The following LRRC4C variants were observed in gnomAD, a reference collection of about 807,000 sequenced individuals.
LRRC4C encodes the protein leucine rich repeat containing 4C, also known as leucine-rich repeat-containing protein 4C.
A neutral mutation model predicts 33.6 loss-of-function variants in LRRC4C; 5 were observed. The observed-to-expected ratio is 0.15, with a 90% CI of 0.08 to 0.31. LRRC4C has a LOEUF of 0.31. Among genes scored for constraint, LRRC4C ranks in the 10% least tolerant of loss-of-function variants. The pLI is 1.00. For missense variants in LRRC4C, 560 were observed against 796.7 expected (o/e 0.70, Z 3.58); for synonymous variants, 329 against 302.0 (o/e 1.09, Z -0.93).
intron 2 of LRRC4C, among the ~76,000 whole-genome samples, chr11:40,725,859 A>C (rs1459103997): frequency 1.3e-5 from 2 of 152,198 alleles, no homozygotes; most frequent in Admixed American, 1.3e-4. Context: ...CTGCAAGCCT[A>C]TTACATCTTG....
chr11:40,849,901 T>G (rs949966696), intron 2 of LRRC4C, among the ~76,000 whole-genome samples: 1 of 151,594 alleles, frequency 6.6e-6, no homozygotes, highest in African/African-American at 2.4e-5. Flanking sequence ...CTGATAGCCT[T>G]TCTTCTGCTT....
chr11:41,192,198 AT>A (rs1444634218), intron 1 of LRRC4C, among the ~76,000 whole-genome samples: 1 of 152,034 alleles, frequency 6.6e-6, no homozygotes, highest in Non-Finnish European at 1.5e-5. Context: ...GTACATACTA[AT>A]TTTTGTTATT....
intron 2 of LRRC4C, among the ~76,000 whole-genome samples, chr11:40,782,166 AG>A (rs1375089248): frequency 6.6e-6 from 1 of 152,152 alleles, no homozygotes; most frequent in Admixed American, 6.5e-5. Flanking sequence ...TTGTTTTATT[AG>A]TAATGGCTTT....
chr11:41,248,125 T>G (rs2136616714), intron 1 of LRRC4C, among the ~76,000 whole-genome samples: 1 of 152,312 alleles, frequency 6.6e-6, no homozygotes, highest in Middle Eastern at 3.4e-3. Flanking sequence ...TAAGCTTATC[T>G]TCTTTAACAA....
chr11:41,053,568 G>A lies in LRRC4C; in HGVS notation c.-495-119845C>T, dbSNP rs375918253. Among the ~76,000 whole-genome samples, 4 of 152,174 alleles carry A rather than the reference G, an allele frequency of 2.6e-5. No individual in the cohort carries two copies. The East Asian group carries it at 5.8e-4, about 22-fold the overall frequency. On this transcript the variant is annotated intron_variant, in intron 1 of 6. Transcript: ENST00000528697. ...ATGTAGGGAAACTGTGAGATAATAAGTGTGGGATGTTTAAACTGCTAATTT... is the reference window on the plus strand; with the variant it reads ...ATGTAGGGAAACTGTGAGATAATAAATGTGGGATGTTTAAACTGCTAATTT...
At chr11:41,446,508 G>C (rs574621219) in intron 1 of LRRC4C, among the ~76,000 whole-genome samples, 1 of 151,972 alleles carries the variant, frequency 6.6e-6, no homozygotes, top group Non-Finnish European at 1.5e-5. Context: ...GGGACTGAGA[G>C]AGTTGTGGGT....
intron 5 of LRRC4C, among the ~76,000 whole-genome samples, chr11:40,174,739 T>C (rs1045084334): frequency 6.6e-6 from 1 of 152,208 alleles, no homozygotes; most frequent in Non-Finnish European, 1.5e-5. Context: ...AAAAGTGCAA[T>C]AGTAGTAACA....
intron 1 of LRRC4C, among the ~76,000 whole-genome samples, chr11:41,231,709 A>AT (rs1947805249): frequency 5.9e-5 from 9 of 152,030 alleles, no homozygotes; most frequent in Admixed American, 5.9e-4. Flanking sequence ...GCACGTGTAT[A>AT]CATATGTAAC....
intron 2 of LRRC4C, among the ~76,000 whole-genome samples, chr11:40,787,180 T>C (rs956517370): frequency 6.6e-5 from 10 of 152,104 alleles, no homozygotes; most frequent in Admixed American, 6.5e-4. Flanking sequence ...TCTCCAGATT[T>C]ATGAATTTCT....
intron 1 of LRRC4C, among the ~76,000 whole-genome samples, chr11:41,393,947 T>G (rs2138030960): frequency 6.6e-6 from 1 of 152,044 alleles, no homozygotes; most frequent in African/African-American, 2.4e-5. Flanking sequence ...TTTAGCCCAG[T>G]GATAATTTTT....
chr11:40,422,543 T>C (rs2137756289), intron 3 of LRRC4C, among the ~76,000 whole-genome samples: 1 of 152,316 alleles, frequency 6.6e-6, no homozygotes, highest in East Asian at 1.9e-4. Context: ...TTGCATGGGA[T>C]AACTGTCCTC....
intron 3 of LRRC4C, among the ~76,000 whole-genome samples, chr11:40,481,469 CT>C (rs1397624512): frequency 1.3e-5 from 2 of 152,102 alleles, no homozygotes; most frequent in African/African-American, 4.8e-5. Context: ...TAATATTTTT[CT>C]GTCAGAGACT....
At chr11:40,674,392 A>G (rs1193824622) in intron 2 of LRRC4C, among the ~76,000 whole-genome samples, 5 of 152,190 alleles carry the variant, frequency 3.3e-5, no homozygotes, top group Non-Finnish European at 7.3e-5. Context: ...GAAAAGTAGA[A>G]GAGAGCAATA....
At chr11:40,533,638 G>T (rs895683146) in intron 3 of LRRC4C, among the ~76,000 whole-genome samples, 1 of 152,064 alleles carries the variant, frequency 6.6e-6, no homozygotes, top group African/African-American at 2.4e-5. Context: ...TCCACACACG[G>T]TCATAAGGCT....
chr11:40,605,401 A>G (rs935537630), intron 3 of LRRC4C, among the ~76,000 whole-genome samples: 1 of 152,188 alleles, frequency 6.6e-6, no homozygotes. Context: ...TTTTCCCTAC[A>G]TAGAGGCAAT....
chr11:40,124,521 G>A (rs1307002816), intron 6 of LRRC4C, among the ~76,000 whole-genome samples: 4 of 152,154 alleles, frequency 2.6e-5, no homozygotes, highest in African/African-American at 9.7e-5. Context: ...GGATGGAGCT[G>A]GAGGTCATTC....
chr11:40,781,228 A>C (rs761320450), intron 2 of LRRC4C, among the ~76,000 whole-genome samples: 2 of 152,204 alleles, frequency 1.3e-5, no homozygotes, highest in Admixed American at 6.5e-5. Context: ...TCAGGGTATT[A>C]TAATTTTATA....
At chr11:41,431,171 T>C (rs183275866) in intron 1 of LRRC4C, among the ~76,000 whole-genome samples, 4 of 152,248 alleles carry the variant, frequency 2.6e-5, no homozygotes, top group Non-Finnish European at 2.9e-5. Context: ...GCTTCATCCA[T>C]TTACCTTTTA....
chr11:41,370,152 G>A (rs1952690369), intron 1 of LRRC4C, among the ~76,000 whole-genome samples: 1 of 152,104 alleles, frequency 6.6e-6, no homozygotes, highest in South Asian at 2.1e-4. Context: ...TTTGAAGTAA[G>A]ACTGTCTGGA....
Sources: allele counts gnomAD v4.1 joint callset (sites outside exome capture counted in the v4.1 genomes callset), GRCh38; gene constraint gnomAD v4.1.1; transcripts MANE v1.5; gene names NCBI Gene and HGNC (gene_info 2026-07-23, HGNC 2026-07-21).